The following RABGAP1L variants were observed in gnomAD, a reference collection of about 807,000 sequenced individuals.
RABGAP1L encodes RAB GTPase activating protein 1 like, also known as rab GTPase-activating protein 1-like.
In RABGAP1L, 63 loss-of-function variants were observed where a neutral mutation model predicts 137.7. The ratio of observed to expected loss-of-function variants is 0.46; its 90% CI spans 0.37 to 0.56. RABGAP1L has a LOEUF of 0.56. RABGAP1L is among the 20% of genes least tolerant of loss of function. RABGAP1L has a pLI of 0.00. For synonymous variants in RABGAP1L, 431 were observed against 433.7 expected, an observed-to-expected ratio of 0.99 and a Z score of 0.08; for missense variants, 1,095 against 1,244.0, an observed-to-expected ratio of 0.88 and a Z score of 1.80.
At chr1:174,816,100 G>T (rs917810903) in intron 19 of RABGAP1L, among the ~76,000 whole-genome samples, 1 of 143,180 alleles carries the variant, frequency 7.0e-6, no homozygotes, top group African/African-American at 2.5e-5. Context: ...GAATTTCTTT[G>T]TATGAACATA....
chr1:174,708,289 C>T (rs1211891702), intron 17 of RABGAP1L, among the ~76,000 whole-genome samples: 1 of 152,128 alleles, frequency 6.6e-6, no homozygotes, highest in African/African-American at 2.4e-5. Context: ...TTCTCCCCCA[C>T]AAAAAACTCA....
intron 13 of RABGAP1L, among the ~76,000 whole-genome samples, chr1:174,444,753 G>A (rs933649330): frequency 1.3e-5 from 2 of 151,926 alleles, no homozygotes; most frequent in African/African-American, 4.8e-5. Context: ...AGTCTCCAAT[G>A]ATCCTTTGTA....
At chr1:174,466,397 C>T (rs187756459) in intron 13 of RABGAP1L, among the ~76,000 whole-genome samples, 1 of 152,210 alleles carries the variant, frequency 6.6e-6, no homozygotes, top group African/African-American at 2.4e-5. Flanking sequence ...TGAGTAAGGC[C>T]ATAGGTCTAC....
intron 19 of RABGAP1L, among the ~76,000 whole-genome samples, chr1:174,819,243 TGG>T (rs1491155126): frequency 1.8e-4 from 24 of 132,512 alleles, no homozygotes; most frequent in African/African-American, 5.3e-4. Context: ...AGAGTAAGTA[TGG>T]GAGAGAGAGA....
intron 13 of RABGAP1L, among the ~76,000 whole-genome samples, chr1:174,440,072 T>G (rs1196291431): frequency 1.3e-5 from 2 of 152,150 alleles, no homozygotes; most frequent in African/African-American, 4.8e-5. Context: ...TAGTAAGCAG[T>G]TATAAATATC....
At chr1:174,633,222 AT>A (rs1673594567) in intron 13 of RABGAP1L, among the ~76,000 whole-genome samples, 1 of 148,946 alleles carries the variant, frequency 6.7e-6, no homozygotes, top group African/African-American at 2.5e-5. Flanking sequence ...AATCACAAGC[AT>A]TCTTATACAC....
chr1:174,740,121 A>AT (rs1477248884), intron 17 of RABGAP1L, among the ~76,000 whole-genome samples: 3 of 152,232 alleles, frequency 2.0e-5, no homozygotes, highest in Non-Finnish European at 4.4e-5. Context: ...CCTGCTGGTG[A>AT]TTTTTTAAAA....
At chr1:174,298,927 G>T (rs1677389757) in intron 10 of RABGAP1L, among the ~76,000 whole-genome samples, 1 of 152,202 alleles carries the variant, frequency 6.6e-6, no homozygotes, top group South Asian at 2.1e-4. Flanking sequence ...TTGCTGGTTA[G>T]TTCACAGGAA....
chr1:174,541,860 T>C (rs1249857419), intron 13 of RABGAP1L, among the ~76,000 whole-genome samples: 1 of 152,234 alleles, frequency 6.6e-6, no homozygotes, highest in Non-Finnish European at 1.5e-5. Context: ...TCATCTGTTT[T>C]TTGTCTTTGG....
intron 13 of RABGAP1L, among the ~76,000 whole-genome samples, chr1:174,435,776 G>C (rs1419656882): frequency 1.3e-5 from 2 of 151,276 alleles, no homozygotes; most frequent in African/African-American, 4.9e-5. Context: ...TTTAGCATTA[G>C]GTACATCTCC....
At chr1:174,510,882 C>T (rs992011446) in intron 13 of RABGAP1L, among the ~76,000 whole-genome samples, 1 of 152,122 alleles carries the variant, frequency 6.6e-6, no homozygotes, top group African/African-American at 2.4e-5. Flanking sequence ...TCAAGGCAAA[C>T]TAATTTGGTT....
intron 18 of RABGAP1L, among the ~76,000 whole-genome samples, chr1:174,792,698 A>G (rs1009265776): frequency 1.3e-5 from 2 of 152,252 alleles, no homozygotes; most frequent in Non-Finnish European, 2.9e-5. Context: ...GCCATACTCA[A>G]TAAAGCAACT....
At chr1:174,495,321 A>T (rs960599709) in intron 13 of RABGAP1L, among the ~76,000 whole-genome samples, 9 of 152,188 alleles carry the variant, frequency 5.9e-5, no homozygotes, top group African/African-American at 1.9e-4. Context: ...TTAAAACAAT[A>T]TACTTTTTTT....
rs371429395 is a variant in RABGAP1L, at chr1:174,268,202, A to AT, written c.987-4197dup. Among the ~76,000 whole-genome samples, 1,096 of 137,154 alleles carry AT rather than the reference A, an allele frequency of 8.0e-3. 6 individuals are homozygous for AT. Among genetic ancestry groups the AT allele is most frequent in the African/African-American group, 0.018 (685 of 37,424 alleles). The allele number at this position is 137,154 out of a possible 152,430, so 90.0% of individuals were successfully genotyped here. ...CTTTCTATTATGCTGTCACTTTTTC[A>AT]TTTTTTTTTTTTTTTGAGACGGAGT... On this transcript the variant is annotated intron_variant, in intron 7 of 25. Coordinates refer to ENST00000681986, the MANE Select transcript of RABGAP1L (RefSeq NM_001366446.1).
intron 22 of RABGAP1L, among the ~76,000 whole-genome samples, chr1:174,978,524 G>C (rs1574063950): frequency 1.3e-5 from 2 of 152,146 alleles, no homozygotes; most frequent in East Asian, 3.9e-4. Flanking sequence ...CTTCTGAATG[G>C]ATACTTATTT....
At chr1:174,966,085 C>G (rs1332642234) in intron 20 of RABGAP1L, among the ~76,000 whole-genome samples, 1 of 152,176 alleles carries the variant, frequency 6.6e-6, no homozygotes, top group African/African-American at 2.4e-5. Context: ...AATACTTGAA[C>G]AAAGTACTTT....
chr1:174,951,341 C>T (rs776943325), intron 19 of RABGAP1L, among the ~76,000 whole-genome samples: 1 of 152,172 alleles, frequency 6.6e-6, no homozygotes, highest in Non-Finnish European at 1.5e-5. Flanking sequence ...TGATCTTGGG[C>T]AAGTTACCTA....
intron 19 of RABGAP1L, among the ~76,000 whole-genome samples, chr1:174,904,751 G>A (rs1482351756): frequency 6.6e-6 from 1 of 152,088 alleles, no homozygotes; most frequent in Non-Finnish European, 1.5e-5. Context: ...CTGGGTTCAA[G>A]CAGTCCTCCT....
rs143237504 is a variant in RABGAP1L, at chr1:174,432,225, C to A, written c.1710+38080C>A. Among the ~76,000 whole-genome samples, 560 of 152,206 alleles carry A rather than the reference C, an allele frequency of 3.7e-3. 4 individuals are homozygous for A. The highest frequency in any genetic ancestry group is 0.012 in the African/African-American group (482 of 41,540). On this transcript the variant is annotated intron_variant, in intron 13 of 25. Transcript: ENST00000681986. ...GAACATGGGTTTTTGGTTTTCTATT[C>A]TTGCATTAATTTGCTTAGGATAATA... is the stretch of plus-strand genomic sequence containing the variant.
Sources: gnomAD v4.1 joint callset for allele counts (sites outside exome capture counted in the v4.1 genomes callset) on GRCh38, gnomAD v4.1.1 for gene constraint, MANE v1.5 for transcripts, NCBI Gene and HGNC (gene_info 2026-07-23, HGNC 2026-07-21) for gene names.